The following CDC42EP4 variants were observed in gnomAD, a reference collection of about 807,000 sequenced individuals.
CDC42EP4 encodes the protein CDC42 effector protein 4.
In CDC42EP4, 6 loss-of-function variants were observed where a neutral mutation model predicts 5.6. That is an observed-to-expected ratio of 1.07 (90% CI 0.59 to 2.12). CDC42EP4 has a LOEUF of 2.12. CDC42EP4 is among the 30% of genes most tolerant of loss of function. The pLI, the probability that CDC42EP4 is intolerant of heterozygous loss-of-function variation, is 0.00. For missense variants in CDC42EP4, 490 were observed against 508.6 expected (o/e 0.96, Z 0.35); for synonymous variants, 230 against 224.2 (o/e 1.03, Z -0.23).
At chr17:73,310,866 G>A (rs915873250) in intron 1 of CDC42EP4, 1 of 151,886 alleles carries the variant, frequency 6.6e-6, no homozygotes, top group Non-Finnish European at 1.5e-5. Flanking sequence ...CAGCCCTCCC[G>A]GCCGGGGCAC....
rs1278931148 is a variant in CDC42EP4 at position 73,285,814 on chromosome 17, C to G, written c.687G>C (p.Glu229Asp). Residue 229 changes from glutamate to aspartate, a missense_variant, in exon 2 of 2, where the codon GAG becomes GAC. Glu to Asp is a conservative substitution (Grantham distance 45, BLOSUM62 2). Coordinates refer to ENST00000335793, the MANE Select transcript of CDC42EP4 (RefSeq NM_012121.5). The surrounding 1 kb of genome is among the most constrained non-coding windows in gnomAD (Gnocchi z 6.8). Reference sequence around the variant, plus strand: ...CACCCTCCCCCTCCTCGGGGTCCCACTCCTCCTTGTCCATGATGCTGAGGA... The same window carrying G: ...CACCCTCCCCCTCCTCGGGGTCCCAGTCCTCCTTGTCCATGATGCTGAGGA... ...GDVLSIMDKEEWDPEEGEGGY... is the reference protein window; with the variant it reads ...GDVLSIMDKEDWDPEEGEGGY... The G allele has an allele frequency of 2.5e-6, 4 of 1,608,894 alleles. No individual in the cohort carries two copies. The highest frequency in any genetic ancestry group is 3.3e-5 in the Admixed American group (2 of 59,932).
At chr17:73,293,837 G>T (rs563468764) in intron 1 of CDC42EP4, among the ~76,000 whole-genome samples, 1 of 152,310 alleles carries the variant, frequency 6.6e-6, no homozygotes, top group African/African-American at 2.4e-5. Flanking sequence ...TAAGTGAATG[G>T]GCGAGAACAG....
chr17:73,285,309 G>C lies in CDC42EP4; in HGVS notation c.*121C>G, dbSNP rs892049996. The C allele has an allele frequency of 2.5e-6, 2 of 791,154 alleles. No homozygotes were observed. The highest frequency in any genetic ancestry group is 3.5e-5 in the African/African-American group (2 of 57,964). 49.0% of individuals were successfully genotyped at this position (791,154 alleles called of 1,614,324 possible). Reference sequence around the variant, plus strand: ...CAGTGTCCCTCATCTACAAGGTCCAGGGTCCATGGTCTGAATCAAGGGTCC... The same window carrying C: ...CAGTGTCCCTCATCTACAAGGTCCACGGTCCATGGTCTGAATCAAGGGTCC... On this transcript the variant is annotated 3_prime_UTR_variant, in exon 2 of 2. Transcript: ENST00000335793. This position sits in a 1 kb window ranked among gnomAD's most constrained non-coding sequence, Gnocchi z 6.8.
chr17:73,284,689 A>C lies in CDC42EP4; in HGVS notation c.*741T>G, dbSNP rs1599426328. 1 of 152,154 alleles carries C rather than the reference A, an allele frequency of 6.6e-6. No homozygotes were observed. The highest frequency in any genetic ancestry group is 1.9e-4 in the East Asian group (1 of 5,198). The allele number at this position is 152,154 out of a possible 1,614,324, so 9.4% of individuals were successfully genotyped here. The stretch of plus-strand genomic sequence containing the variant: ...TGCTCTATAAGGATTTAAACACAAT[A>C]ATAAAGAACAAACAAGCCCCTAGGG... On this transcript the variant is annotated 3_prime_UTR_variant, in exon 2 of 2. Coordinates refer to ENST00000335793, the MANE Select transcript of CDC42EP4 (RefSeq NM_012121.5).
Position 73,285,506 on chromosome 17 carries a change from C to G in CDC42EP4, c.995G>C (p.Arg332Pro), listed in dbSNP as rs770569939. 30 of 1,607,848 alleles carry G rather than the reference C, an allele frequency of 1.9e-5. No individual in the cohort carries two copies. The East Asian group carries it at 6.5e-4, about 35-fold the overall frequency. The change falls in exon 2 of 2, where the codon CGG becomes CCG. Residue 332 changes from arginine to proline, a missense_variant. Physicochemically the swap from Arg to Pro is moderately radical, Grantham distance 103. Transcript: ENST00000335793. This position sits in a 1 kb window ranked among gnomAD's most constrained non-coding sequence, Gnocchi z 6.8. ...SPAFRGPDRA[R>P]AAVSRQPDKE... ...GTCTGGCTGTCTTGAGACAGCAGCC[C>G]GGGCCCTGTCCGGCCCCCGGAAGGC...
chr17:73,288,729 CCT>C (rs1473057135), intron 1 of CDC42EP4, among the ~76,000 whole-genome samples: 1 of 152,148 alleles, frequency 6.6e-6, no homozygotes, highest in Non-Finnish European at 1.5e-5. Flanking sequence ...CCCAGCCTGA[CCT>C]CTCTGCATCC....
At chr17:73,307,407 C>T (rs77283009) in intron 1 of CDC42EP4, 8,065 of 149,898 alleles carry the variant, frequency 0.054, 289 homozygotes, top group East Asian at 0.083. Flanking sequence ...GCACGGTGAG[C>T]GGGAATGTGG....
chr17:73,296,228 A>AC (rs1323340034), intron 1 of CDC42EP4, among the ~76,000 whole-genome samples: 10 of 24,660 alleles, frequency 4.1e-4, no homozygotes, highest in African/African-American at 7.7e-4. Context: ...TACTAAAAAT[A>AC]CAAAAAAAAA....
chr17:73,288,026 T>C (rs1156342247), intron 1 of CDC42EP4, among the ~76,000 whole-genome samples: 2 of 152,152 alleles, frequency 1.3e-5, no homozygotes, highest in East Asian at 3.9e-4. Flanking sequence ...TACCCTGATC[T>C]ATCCCCTGAG....
rs373320189 is a variant in CDC42EP4, at chr17:73,298,925, C to G, written c.-112-12313G>C. 1.8e-3 allele frequency among the ~76,000 whole-genome samples: 269 copies of G among 151,972 alleles called. 1 individual carries two copies. The highest frequency in any genetic ancestry group is 5.9e-3 in the African/African-American group (246 of 41,460). ...AAAGAACGAGAAACGGAGACTCAGA[C>G]AGAGTGAATTATTTTACTCACTCTC... On this transcript the variant is annotated intron_variant, in intron 1 of 1. Coordinates refer to ENST00000335793, the MANE Select transcript of CDC42EP4 (RefSeq NM_012121.5).
In CDC42EP4 at chr17:73,286,141, G is replaced by A. The variant is rs1464718096; in HGVS notation, c.360C>T (p.Pro120=). Residue 120 remains proline, a synonymous_variant, in exon 2 of 2, where the codon CCC becomes CCT. Transcript: ENST00000335793. The surrounding 1 kb of genome is among the most constrained non-coding windows in gnomAD (Gnocchi z 7.7). ...ALFVKNAMSL[P]QLNEKEAAEK... is the part of the protein sequence containing the mutation. The stretch of plus-strand genomic sequence containing the variant: ...CCGCGGCCTCCTTCTCATTGAGCTG[G>A]GGCAGGGACATGGCATTCTTGACAA... 6.2e-7 allele frequency: 1 copy of A among 1,613,966 alleles called. No individual in the cohort carries two copies. Among genetic ancestry groups the A allele is most frequent in the Non-Finnish European group, 8.5e-7 (1 of 1,180,042 alleles).
chr17:73,310,204 T>C (rs2062266401), intron 1 of CDC42EP4: 1 of 152,272 alleles, frequency 6.6e-6, no homozygotes, highest in African/African-American at 2.4e-5. Flanking sequence ...CTGTTCTTTG[T>C]TCTCTTAAAA....
chr17:73,298,140 C>T (rs2062198412), intron 1 of CDC42EP4, among the ~76,000 whole-genome samples: 1 of 152,146 alleles, frequency 6.6e-6, no homozygotes, highest in South Asian at 2.1e-4. Context: ...GAACTGGTCT[C>T]CATCCGTACT....
chr17:73,306,950 G>A (rs1483905300), intron 1 of CDC42EP4: 1 of 152,266 alleles, frequency 6.6e-6, no homozygotes, highest in Admixed American at 6.5e-5. Flanking sequence ...GGGAGGTGGA[G>A]GCTGCCCCAG....
At chr17:73,297,859 A>T (rs569548714) in intron 1 of CDC42EP4, among the ~76,000 whole-genome samples, 55 of 151,862 alleles carry the variant, frequency 3.6e-4, no homozygotes, top group Non-Finnish European at 6.2e-4. Context: ...GGGTTTCCCC[A>T]TGTTGACCAG....
rs553763274 is a variant in CDC42EP4, at chr17:73,303,487, C to A, written c.-113+8406G>T. On this transcript the variant is annotated intron_variant, in intron 1 of 1. Transcript: ENST00000335793. The stretch of plus-strand genomic sequence containing the variant: ...CCCCAGCCTGGCCAACATGGTGAGA[C>A]CCTGTCTCTACTAAAAATACAAAAA... Among the ~76,000 whole-genome samples, 5 of 152,092 alleles carry A rather than the reference C, an allele frequency of 3.3e-5. No homozygotes were observed. In the East Asian group the frequency reaches 9.7e-4, roughly 29 times the overall value.
At chr17:73,309,038 CAAAAAAAAA>C (rs57714877) in intron 1 of CDC42EP4, among the ~76,000 whole-genome samples, 1 of 33,994 alleles carries the variant, frequency 2.9e-5, no homozygotes, top group Non-Finnish European at 4.9e-5. Context: ...GCTCTGTCTC[CAAAAAAAAA>C]AAAAAAAAAA....
At chr17:73,299,250 T>C (rs1248426688) in intron 1 of CDC42EP4, among the ~76,000 whole-genome samples, 2 of 151,878 alleles carry the variant, frequency 1.3e-5, no homozygotes, top group Admixed American at 6.6e-5. Flanking sequence ...GGTGAAACCC[T>C]GTCTCTACTA....
chr17:73,303,082 G>A (rs1348900400), intron 1 of CDC42EP4, among the ~76,000 whole-genome samples: 4 of 149,590 alleles, frequency 2.7e-5, no homozygotes, highest in South Asian at 2.1e-4. Flanking sequence ...GGTGGCTCAC[G>A]CCTGTAATCC....
Sources: gnomAD v4.1 joint callset for allele counts (sites outside exome capture counted in the v4.1 genomes callset) on GRCh38, gnomAD v4.1.1 for gene constraint, Gnocchi (gnomAD v3.1) non-coding constraint, MANE v1.5 for transcripts, NCBI Gene and HGNC (gene_info 2026-07-23, HGNC 2026-07-21) for gene names.